The following PAPPA variants were observed in gnomAD, a reference collection of about 807,000 sequenced individuals.
PAPPA encodes the protein pappalysin-1.
In PAPPA, 60 loss-of-function variants were observed where a neutral mutation model predicts 164.0. The observed-to-expected ratio is 0.37, with a 90% CI of 0.30 to 0.45. The LOEUF (loss-of-function observed/expected upper bound fraction) is 0.45. Ranked by LOEUF, PAPPA falls within the 20% of genes least tolerant of loss-of-function variation. The probability of loss-of-function intolerance (pLI) is 1.00; values close to 1 mark genes in which losing one functional copy is unlikely to be tolerated. For synonymous variants in PAPPA, 875 were observed against 814.1 expected, an observed-to-expected ratio of 1.07 and a Z score of -1.27; for missense variants, 1,782 against 2,087.3, an observed-to-expected ratio of 0.85 and a Z score of 2.85.
chr9:116,334,237 T>TC (rs1846029841), intron 12 of PAPPA, among the ~76,000 whole-genome samples: 2 of 110,980 alleles, frequency 1.8e-5, no homozygotes, highest in African/African-American at 6.2e-5. Context: ...GCTGGCTGCA[T>TC]TAAAAAAAAA....
At chr9:116,379,723 T>C (rs778949398) in intron 20 of PAPPA, among the ~76,000 whole-genome samples, 3 of 152,106 alleles carry the variant, frequency 2.0e-5, no homozygotes, top group Non-Finnish European at 2.9e-5. Flanking sequence ...AAGAGAGAAT[T>C]TTAAAATCCT....
chr9:116,260,560 G>A (rs1844989330), intron 7 of PAPPA, among the ~76,000 whole-genome samples: 1 of 151,052 alleles, frequency 6.6e-6, no homozygotes, highest in African/African-American at 2.4e-5. Context: ...TTCTAACTCA[G>A]ACAATCTGGG....
rs765075410 is a variant in PAPPA, at chr9:116,227,528, C to T, written c.2209C>T (p.His737Tyr). The T allele has an allele frequency of 1.2e-6, 2 of 1,614,090 alleles. No individual in the cohort carries two copies. Among genetic ancestry groups the T allele is most frequent in the Non-Finnish European group, 1.7e-6 (2 of 1,179,992 alleles). Reference protein sequence around the residue: ...SSPMPCSPSGHWSPREAEGHP... With the variant: ...SSPMPCSPSGYWSPREAEGHP... The stretch of plus-strand genomic sequence containing the variant: ...CCCAATGCCCTGCAGCCCATCAGGA[C>T]ACTGGAGCCCTCGTGAAGCAGAAGG... Residue 737 changes from histidine to tyrosine, a missense_variant, in exon 6 of 22, where the codon CAC becomes TAC. By Grantham distance (83) the His-to-Tyr change is moderately conservative (BLOSUM62 2). This residue lies in a region of PAPPA where 1,324 missense variants were observed against 1,656.9 expected (regional missense o/e 0.80). Coordinates refer to ENST00000328252, the MANE Select transcript of PAPPA (RefSeq NM_002581.5).
intron 1 of PAPPA, among the ~76,000 whole-genome samples, chr9:116,181,610 A>G (rs1843906040): frequency 6.6e-6 from 1 of 152,242 alleles, no homozygotes; most frequent in Non-Finnish European, 1.5e-5. Flanking sequence ...TTCATCCACC[A>G]CAATGAAAAG....
At chr9:116,236,136 G>A (rs953758956) in intron 7 of PAPPA, among the ~76,000 whole-genome samples, 10 of 152,320 alleles carry the variant, frequency 6.6e-5, no homozygotes, top group South Asian at 6.2e-4. Flanking sequence ...GTGCTGGAAA[G>A]TGAATATCAA....
chr9:116,264,736 G>GT (rs1297779694), intron 7 of PAPPA, among the ~76,000 whole-genome samples: 1 of 152,062 alleles, frequency 6.6e-6, no homozygotes, highest in Non-Finnish European at 1.5e-5. Context: ...TTTTCCCATG[G>GT]TACTTTGTTG....
intron 7 of PAPPA, among the ~76,000 whole-genome samples, chr9:116,244,963 G>T (rs1055011190): frequency 6.6e-6 from 1 of 152,132 alleles, no homozygotes; most frequent in African/African-American, 2.4e-5. Context: ...TGTACACAAT[G>T]GAATGTTACT....
chr9:116,358,404 G>A (rs773800817), intron 17 of PAPPA, among the ~76,000 whole-genome samples: 2 of 152,212 alleles, frequency 1.3e-5, no homozygotes, highest in Non-Finnish European at 2.9e-5. Flanking sequence ...GAAATAATGA[G>A]CACTTACTAC....
intron 1 of PAPPA, among the ~76,000 whole-genome samples, chr9:116,163,165 G>T (rs1047362386): frequency 3.9e-4 from 60 of 152,196 alleles, no homozygotes; most frequent in Non-Finnish European, 4.6e-4. Context: ...TATATTCTGG[G>T]CAGTGGGTGT....
chr9:116,189,106 G>C (rs1220069657), intron 2 of PAPPA, among the ~76,000 whole-genome samples: 1 of 152,156 alleles, frequency 6.6e-6, no homozygotes, highest in East Asian at 1.9e-4. Context: ...TTCAAGAATA[G>C]CTCTAATTTG....
At chr9:116,236,257 T>C (rs1393988624) in intron 7 of PAPPA, among the ~76,000 whole-genome samples, 1 of 152,114 alleles carries the variant, frequency 6.6e-6, no homozygotes, top group Non-Finnish European at 1.5e-5. Flanking sequence ...TTCTGGATGC[T>C]CACTGCTCTT....
At chr9:116,225,280 T>C (rs2118717569) in intron 5 of PAPPA, among the ~76,000 whole-genome samples, 1 of 152,354 alleles carries the variant, frequency 6.6e-6, no homozygotes. Context: ...TTAGCAGTGC[T>C]GAGGAAGCCT....
rs549697182 is a variant in PAPPA at position 116,214,594 on chromosome 9, A to G, written c.1918+2662A>G. ...CAGGCACCAGGCAGTTGATGGGGGG[A>G]AGCCTAATTCAGTAGGCAGGCTGGA... On this transcript the variant is annotated intron_variant, in intron 4 of 21. Transcript: ENST00000328252. Among the ~76,000 whole-genome samples, 58 of 152,246 alleles carry G rather than the reference A, an allele frequency of 3.8e-4. 1 individual carries two copies. In the South Asian group the frequency reaches 0.012, roughly 32 times the overall value.
At chr9:116,237,591 T>G (rs758148731) in intron 7 of PAPPA, among the ~76,000 whole-genome samples, 5 of 152,208 alleles carry the variant, frequency 3.3e-5, no homozygotes, top group Non-Finnish European at 5.9e-5. Flanking sequence ...CTTAGTTCTA[T>G]TCTCAGCAAA....
chr9:116,366,732 TA>T (rs1194683246), intron 18 of PAPPA, among the ~76,000 whole-genome samples: 4 of 152,254 alleles, frequency 2.6e-5, no homozygotes, highest in Non-Finnish European at 5.9e-5. Context: ...GGAAGAGAGC[TA>T]TTGATATCAC....
intron 17 of PAPPA, among the ~76,000 whole-genome samples, chr9:116,355,808 C>T (rs1588018020): frequency 6.6e-6 from 1 of 152,154 alleles, no homozygotes; most frequent in South Asian, 2.1e-4. Context: ...AGAGGCTAGT[C>T]GCAAAGGAGC....
intron 10 of PAPPA, among the ~76,000 whole-genome samples, chr9:116,313,566 A>G (rs1845749822): frequency 6.6e-6 from 1 of 152,214 alleles, no homozygotes; most frequent in Non-Finnish European, 1.5e-5. Flanking sequence ...ATAAACTGAC[A>G]TGCACCAGGG....
chr9:116,346,346 TG>T (rs1462711726), intron 14 of PAPPA, among the ~76,000 whole-genome samples: 1 of 152,186 alleles, frequency 6.6e-6, no homozygotes, highest in Non-Finnish European at 1.5e-5. Context: ...TTTTTGTCTT[TG>T]TACCCTTCTC....
At chr9:116,372,866 A>G (rs981875313) in intron 19 of PAPPA, among the ~76,000 whole-genome samples, 2 of 152,188 alleles carry the variant, frequency 1.3e-5, no homozygotes, top group African/African-American at 4.8e-5. Context: ...CAGTGAGGTA[A>G]GGATTATCAC....
Sources: allele counts gnomAD v4.1 joint callset (sites outside exome capture counted in the v4.1 genomes callset), GRCh38; gene constraint gnomAD v4.1.1; regional missense constraint gnomAD v4.1.1; transcripts MANE v1.5; gene names NCBI Gene and HGNC (gene_info 2026-07-23, HGNC 2026-07-21).